NONO: variants seen among roughly 807,000 people sequenced by gnomAD.
NONO encodes non-POU domain containing octamer binding.
A neutral mutation model predicts 40.2 loss-of-function variants in NONO; 6 were observed. The observed-to-expected ratio is 0.15, with a 90% CI of 0.08 to 0.29. The LOEUF (loss-of-function observed/expected upper bound fraction) is 0.29, where lower values mean the gene tolerates loss of function less well. NONO is among the 10% of genes least tolerant of loss of function. The pLI, the probability that NONO is intolerant of heterozygous loss-of-function variation, is 1.00. For missense variants in NONO, 133 were observed against 397.8 expected, an observed-to-expected ratio of 0.33 and a Z score of 5.66; for synonymous variants, 89 against 123.3, an observed-to-expected ratio of 0.72 and a Z score of 1.85.
At chrX:71,293,455 C>T (rs1257251961) in intron 4 of NONO, among the ~76,000 whole-genome samples, 2 of 108,860 alleles carry the variant, frequency 1.8e-5, no homozygotes, top group South Asian at 4.1e-4. Context: ...TGGTGGTAAG[C>T]GCCTGTAATC....
Position 71,297,859 on chromosome X carries a change from G to A in NONO, c.1052G>A (p.Arg351His), listed in dbSNP as rs780912381. ...ELRQEEERRR[R>H]EEEMRRQQEE... ...AGGCAGGAGGAAGAGCGCAGGCGCC[G>A]TGAAGAAGAGATGCGGCGGCAGCAA... Residue 351 changes from arginine (R) to histidine (H), a missense_variant, in exon 9 of 12, where the codon CGT (arginine) becomes CAT (histidine). Arg to His is a conservative substitution (Grantham distance 29). Transcript: ENST00000276079. 1.7e-6 allele frequency: 2 copies of A among 1,209,551 alleles called. No homozygotes were observed. The highest frequency in any genetic ancestry group is 2.2e-6 in the Non-Finnish European group (2 of 893,587).
rs1447212868 is a variant in NONO, at chrX:71,300,813, A to C, written c.*737A>C. ...CCATATATTACCCCTTCATGTCCTA[A>C]AGAAGACATTTTCTCTTAGAGATTT... On this transcript the variant is annotated 3_prime_UTR_variant, in exon 12 of 12. Transcript: ENST00000276079. 2.4e-5 allele frequency: 4 copies of C among 164,856 alleles called. No homozygotes were observed. Among genetic ancestry groups the C allele is most frequent in the African/African-American group, 1.2e-4 (4 of 33,146 alleles). The allele number at this position is 164,856 out of a possible 1,213,427, so 13.6% of individuals were successfully genotyped here.
intron 2 of NONO, among the ~76,000 whole-genome samples, chrX:71,287,867 T>C (rs1488998279): frequency 3.5e-5 from 3 of 85,183 alleles, no homozygotes; most frequent in African/African-American, 5.4e-5. Flanking sequence ...CCCCTACCCT[T>C]TTTTTTTTTT....
In NONO at chrX:71,292,856, G is replaced by A. The variant is rs781651259; in HGVS notation, c.348+884G>A. 6 of 112,539 alleles carry A rather than the reference G, an allele frequency of 5.3e-5. No individual in the cohort carries two copies. The East Asian group carries it at 1.7e-3, about 31-fold the overall frequency. 9.3% of individuals were successfully genotyped at this position (112,539 alleles called of 1,213,427 possible). A position where few individuals can be genotyped will look rare whatever the true frequency, so the allele number is the denominator to read the frequency against. ...TAGTCTAACTACTCAACTAGGCTAA[G>A]CTGATAGGGCTGATTGAGCCTAGGA... On this transcript the variant is annotated intron_variant, in intron 4 of 11. Transcript: ENST00000276079.
intron 11 of NONO, 23 bp from the exon 12 acceptor site, chrX:71,299,919 G>T: frequency 8.3e-7 from 1 of 1,210,464 alleles, no homozygotes; most frequent in Non-Finnish European, 1.1e-6. Context: ...CTGTTACAGT[G>T]TTGCTCTCTT....
chrX:71,292,088 T>C, intron 4 of NONO, 116 bp downstream of exon 4: 3 of 494,787 alleles, frequency 6.1e-6, no homozygotes, highest in Non-Finnish European at 9.6e-6. Context: ...CCTTGAAAGC[T>C]TGATGAAACA....
chrX:71,297,631 A>T, intron 8 of NONO, 170 bp downstream of exon 8: 1 of 495,581 alleles, frequency 2.0e-6, no homozygotes, highest in South Asian at 3.4e-5. Context: ...CCATGGTCCT[A>T]GAAGTTACCT....
intron 1 of NONO, 41 bp from the exon 2 acceptor site, chrX:71,284,356 C>T (rs2031143066): frequency 8.9e-6 from 1 of 111,732 alleles, no homozygotes; most frequent in African/African-American, 3.3e-5. Context: ...GTTTGAGAAA[C>T]TCTTACCATA....
chrX:71,285,098 G>T (rs2031159404), intron 2 of NONO: 1 of 112,132 alleles, frequency 8.9e-6, no homozygotes, highest in Admixed American at 9.5e-5. Flanking sequence ...ACTTCTCAAG[G>T]TACTTGCTAC....
At position 71,290,906 on chromosome X, in the gene NONO, TTCTTTTTTC is replaced by T. The variant is rs779300126; in HGVS notation, c.154+121_154+129del. 1.1e-4 allele frequency: 89 copies of T among 842,447 alleles called. 1 individual carries two copies. The African/African-American group carries it at 1.6e-3, about 15-fold the overall frequency. The allele number at this position is 842,447 out of a possible 1,213,427, so 69.4% of individuals were successfully genotyped here. The stretch of plus-strand genomic sequence containing the variant: ...AATAGGCCTTTATGGCACACCTTTG[TTCTTTTTTC>T]TCTTTACCTCTTAATACTTACGATG... On this transcript the variant is annotated intron_variant, in intron 3 of 11. Coordinates refer to ENST00000276079, the MANE Select transcript of NONO (RefSeq NM_007363.5).
chrX:71,299,301 C>T (rs1174222089), intron 11 of NONO, among the ~76,000 whole-genome samples: 1 of 112,616 alleles, frequency 8.9e-6, no homozygotes, highest in Non-Finnish European at 1.9e-5. Flanking sequence ...CTGGCGTGAG[C>T]CACCAAGCCC....
intron 2 of NONO, 91 bp from the exon 3 acceptor site, chrX:71,290,538 T>G: frequency 1.4e-6 from 1 of 704,978 alleles, no homozygotes; most frequent in Non-Finnish European, 2.2e-6. Flanking sequence ...CCAGAGCACT[T>G]AAGGTGATGA....
At chrX:71,283,761 G>A (rs1050443548) in intron 1 of NONO, 40 bp downstream of exon 1, 2 of 111,223 alleles carry the variant, frequency 1.8e-5, no homozygotes, top group African/African-American at 6.6e-5. Context: ...TGGGAGGGTA[G>A]TGGGATTTCT....
intron 3 of NONO, among the ~76,000 whole-genome samples, chrX:71,291,535 CTT>C (rs1244846381): frequency 1.8e-5 from 2 of 110,390 alleles, no homozygotes; most frequent in African/African-American, 3.3e-5. Context: ...CTATATTTTT[CTT>C]TCTCTTGCTT....
chrX:71,294,540 T>C lies in NONO; in HGVS notation c.650+12T>C. ...TTCCTGCTAACCACGTAAGTGAGGG[T>C]CATTTTCAGACGTAGACCTTAGATT... On this transcript the variant is annotated intron_variant, in intron 5 of 11. Coordinates refer to ENST00000276079, the MANE Select transcript of NONO (RefSeq NM_007363.5). The C allele has an allele frequency of 8.4e-7, 1 of 1,190,972 alleles. No homozygotes were observed. The highest frequency in any genetic ancestry group is 1.1e-6 in the Non-Finnish European group (1 of 881,811).
rs749031358 is a variant in NONO at position 71,300,499 on chromosome X, C to T, written c.*423C>T. On this transcript the variant is annotated 3_prime_UTR_variant, in exon 12 of 12. Coordinates refer to ENST00000276079, the MANE Select transcript of NONO (RefSeq NM_007363.5). ...TGGCATGATCTCGGCTCACTGCAATCTCTGCCTCCCGGGTTCAAGCTTGTC... is the reference window on the plus strand; with the variant it reads ...TGGCATGATCTCGGCTCACTGCAATTTCTGCCTCCCGGGTTCAAGCTTGTC... 1.7e-4 allele frequency: 36 copies of T among 208,825 alleles called. No individual in the cohort carries two copies. The highest frequency in any genetic ancestry group is 2.5e-4 in the Non-Finnish European group (29 of 117,180). The allele number at this position is 208,825 out of a possible 1,213,427, so 17.2% of individuals were successfully genotyped here.
chrX:71,284,535 A>G (rs752954676), intron 2 of NONO, 82 bp downstream of exon 2: 1 of 111,759 alleles, frequency 8.9e-6, no homozygotes, highest in East Asian at 2.8e-4. Context: ...ACAACCAATT[A>G]TTTTTAAGTA....
chrX:71,295,452 A>G (rs1213844562), intron 5 of NONO, among the ~76,000 whole-genome samples: 3 of 109,438 alleles, frequency 2.7e-5, no homozygotes, highest in African/African-American at 1.0e-4. Flanking sequence ...GCGCCACTGC[A>G]CTCCAGCCTG....
At chrX:71,284,142 G>A (rs768307356) in intron 1 of NONO, 1 of 111,628 alleles carries the variant, frequency 9.0e-6, no homozygotes, top group Non-Finnish European at 1.9e-5. Context: ...GGGCAAGTGG[G>A]GCCCCTCAAG....
Sources: allele counts gnomAD v4.1 joint callset (sites outside exome capture counted in the v4.1 genomes callset), GRCh38; gene constraint gnomAD v4.1.1; transcripts MANE v1.5; gene names NCBI Gene and HGNC (gene_info 2026-07-23, HGNC 2026-07-21).